Variants in FRAS1 observed in about 807,000 individuals in gnomAD.
FRAS1 encodes the protein Fraser extracellular matrix complex subunit 1.
Under a neutral mutation model 435.2 loss-of-function variants are expected in FRAS1, and 290 were observed. The observed-to-expected ratio is 0.67, with a 90% CI of 0.61 to 0.73. The LOEUF is 0.73. FRAS1 is among the 30% of genes least tolerant of loss of function. The pLI is 0.00. For missense variants in FRAS1, 4,860 were observed against 5,001.5 expected, an observed-to-expected ratio of 0.97 and a Z score of 0.85; for synonymous variants, 1,800 against 1,851.0, an observed-to-expected ratio of 0.97 and a Z score of 0.71.
chr4:78,375,864 A>G lies in FRAS1; in HGVS notation c.3277A>G (p.Asn1093Asp), dbSNP rs1483393786. The change falls in exon 26 of 74, where the codon AAT becomes GAT. Residue 1093 changes from asparagine (N) to aspartate (D), a missense_variant. By Grantham distance (23) the Asn-to-Asp change is conservative. Coordinates refer to ENST00000512123, the MANE Select transcript of FRAS1 (RefSeq NM_025074.7). ...TCCTGGCTTTTCTGTCCACACCTCT[A>G]ATGAAACATGTTCTGGTAAGTGCTT... ...CVPGFSVHTS[N>D]ETCSGKIHTP... is the part of the protein sequence containing the mutation. 4 of 1,613,700 alleles carry G rather than the reference A, an allele frequency of 2.5e-6. No homozygotes were observed. In the East Asian group the frequency reaches 8.9e-5, roughly 36 times the overall value.
Position 78,477,891 on chromosome 4 carries a change from A to G in FRAS1, c.7928A>G (p.Glu2643Gly). Residue 2643 changes from glutamate (E) to glycine (G), a missense_variant, in exon 55 of 74, where the codon GAG becomes GGG. Physicochemically the swap from Glu to Gly is moderately conservative, Grantham distance 98 (BLOSUM62 -2). Transcript: ENST00000512123. ...GATGATGACGTGTTTGAAAATGTTG[A>G]GAGTTTCACTGTGGAGCTCAGCATG... ...INDDDVFENV[E>G]SFTVELSMPA... 1 of 1,613,590 alleles carries G rather than the reference A, an allele frequency of 6.2e-7. No individual in the cohort carries two copies. The highest frequency in any genetic ancestry group is 8.5e-7 in the Non-Finnish European group (1 of 1,179,768).
intron 27 of FRAS1, among the ~76,000 whole-genome samples, chr4:78,383,439 C>T (rs1265392392): frequency 6.6e-6 from 1 of 152,156 alleles, no homozygotes; most frequent in Non-Finnish European, 1.5e-5. Context: ...ATAATAGACT[C>T]TGGTTGTCCT....
chr4:78,143,672 G>A (rs1362478776), intron 2 of FRAS1, among the ~76,000 whole-genome samples: 3 of 151,432 alleles, frequency 2.0e-5, no homozygotes, highest in South Asian at 2.1e-4. Flanking sequence ...AAGGCTGGCA[G>A]ATCACTTGAG....
intron 27 of FRAS1, among the ~76,000 whole-genome samples, chr4:78,383,562 G>A (rs1190050045): frequency 6.6e-6 from 1 of 152,132 alleles, no homozygotes; most frequent in Non-Finnish European, 1.5e-5. Flanking sequence ...GGCTGGTGGG[G>A]AGTGAGGGGA....
chr4:78,530,292 G>A (rs1021625532), intron 70 of FRAS1, among the ~76,000 whole-genome samples: 2 of 152,024 alleles, frequency 1.3e-5, no homozygotes, highest in Admixed American at 6.6e-5. Flanking sequence ...GGCCCTGTGT[G>A]GCATAAATGT....
At position 78,318,931 on chromosome 4, in the gene FRAS1, G is replaced by C. The variant is rs1261575707; in HGVS notation, c.2082G>C (p.Glu694Asp). The change falls in exon 18 of 74, where the codon GAG (glutamate) becomes GAC (aspartate). Residue 694 changes from glutamate (E) to aspartate (D), a missense_variant. Physicochemically the swap from Glu to Asp is conservative, Grantham distance 45 (BLOSUM62 2). Coordinates refer to ENST00000512123, the MANE Select transcript of FRAS1 (RefSeq NM_025074.7). ...CTGACGTGGGCATCCCCTCTGGCGA[G>C]TGTCTAGCCCAGTGTAGAGCCCATT... ...QLSDVGIPSG[E>D]CLAQCRAHFY... 3.1e-6 allele frequency: 5 copies of C among 1,613,900 alleles called. No homozygotes were observed. Among genetic ancestry groups the C allele is most frequent in the Non-Finnish European group, 4.2e-6 (5 of 1,179,890 alleles).
intron 2 of FRAS1, among the ~76,000 whole-genome samples, chr4:78,194,168 T>A (rs1051927207): frequency 1.3e-5 from 2 of 152,248 alleles, no homozygotes; most frequent in Admixed American, 6.5e-5. Context: ...CTTCCCTTTG[T>A]GGGTAACCCG....
At chr4:78,179,033 G>C (rs2110047726) in intron 2 of FRAS1, among the ~76,000 whole-genome samples, 1 of 152,292 alleles carries the variant, frequency 6.6e-6, no homozygotes, top group African/African-American at 2.4e-5. Flanking sequence ...GGACTCTTCA[G>C]TATCTCACTG....
chr4:78,159,033 C>T (rs78041291), intron 2 of FRAS1, among the ~76,000 whole-genome samples: 128 of 152,310 alleles, frequency 8.4e-4, no homozygotes, highest in African/African-American at 3.0e-3. Context: ...CCCCCTCAAT[C>T]ATGTTTCATG....
intron 15 of FRAS1, among the ~76,000 whole-genome samples, chr4:78,315,047 T>G (rs345519): frequency 0.68 from 103,051 of 152,060 alleles, 35,456 homozygotes; most frequent in African/African-American, 0.72. Context: ...GACCTTAGCA[T>G]ATGTTTTAGG....
intron 2 of FRAS1, among the ~76,000 whole-genome samples, chr4:78,113,005 G>A (rs865937100): frequency 4.2e-4 from 64 of 152,066 alleles, no homozygotes; most frequent in Middle Eastern, 3.2e-3. Flanking sequence ...AGGCCCCAGT[G>A]TGTGATGTTC....
At chr4:78,387,177 G>A (rs188391585) in intron 28 of FRAS1, among the ~76,000 whole-genome samples, 198 bp from the exon 29 acceptor site, 1 of 152,260 alleles carries the variant, frequency 6.6e-6, no homozygotes, top group African/African-American at 2.4e-5. Flanking sequence ...AGAACCCAGA[G>A]GTGTGAAGTA....
chr4:78,355,850 A>T (rs150535554), intron 20 of FRAS1, among the ~76,000 whole-genome samples: 21 of 152,260 alleles, frequency 1.4e-4, no homozygotes, highest in African/African-American at 4.6e-4. Flanking sequence ...CTCTCTGAGG[A>T]TGCTGCCATT....
At chr4:78,515,476 A>G (rs1244108308) in intron 65 of FRAS1, among the ~76,000 whole-genome samples, 2 of 152,208 alleles carry the variant, frequency 1.3e-5, no homozygotes, top group Non-Finnish European at 2.9e-5. Flanking sequence ...CTTGCCAGGT[A>G]TAACAGGCAA....
chr4:78,192,345 C>T (rs1722578633), intron 2 of FRAS1, among the ~76,000 whole-genome samples: 1 of 152,144 alleles, frequency 6.6e-6, no homozygotes, highest in South Asian at 2.1e-4. Context: ...GGAATAGTTT[C>T]AGAAGGAATG....
Position 78,441,228 on chromosome 4 carries a change from C to G in FRAS1, c.5596C>G (p.Leu1866Val). The change falls in exon 41 of 74, where the codon CTC (leucine) becomes GTC (valine). Residue 1866 changes from leucine to valine, a missense_variant. By Grantham distance (32) the Leu-to-Val change is conservative (BLOSUM62 1). Transcript: ENST00000512123. ...TTTTGCTACTGATGATGATGACAAC[C>G]TCCAGAGAGATGCCATCATTAAACT... is the stretch of plus-strand genomic sequence containing the variant. ...HFFATDDDDN[L>V]QRDAIIKLSA... 1 of 1,613,386 alleles carries G rather than the reference C, an allele frequency of 6.2e-7. No homozygotes were observed. The highest frequency in any genetic ancestry group is 8.5e-7 in the Non-Finnish European group (1 of 1,179,400).
chr4:78,190,448 C>CT (rs899876688), intron 2 of FRAS1, among the ~76,000 whole-genome samples: 3 of 149,664 alleles, frequency 2.0e-5, no homozygotes, highest in African/African-American at 4.9e-5. Context: ...CCATTCACTG[C>CT]TTTTTTTTTT....
intron 2 of FRAS1, among the ~76,000 whole-genome samples, chr4:78,103,961 A>G (rs1742260513): frequency 6.6e-6 from 1 of 152,232 alleles, no homozygotes; most frequent in Non-Finnish European, 1.5e-5. Flanking sequence ...GCCAGATAGC[A>G]GCACCTTCCT....
intron 2 of FRAS1, among the ~76,000 whole-genome samples, chr4:78,188,472 C>A (rs1223825637): frequency 6.6e-6 from 1 of 152,184 alleles, no homozygotes; most frequent in Non-Finnish European, 1.5e-5. Flanking sequence ...CTGGACCTTG[C>A]AGTCCACAGG....
Sources: allele counts gnomAD v4.1 joint callset (sites outside exome capture counted in the v4.1 genomes callset), GRCh38; gene constraint gnomAD v4.1.1; transcripts MANE v1.5; gene names NCBI Gene and HGNC (gene_info 2026-07-23, HGNC 2026-07-21).